Variants in FAM114A1 observed in about 807,000 individuals in gnomAD.
The protein encoded by FAM114A1 is protein NOXP20.
FAM114A1 carries 62 observed loss-of-function variants against 64.3 expected under a neutral mutation model. The ratio of observed to expected loss-of-function variants is 0.96; its 90% confidence interval spans 0.79 to 1.19. The LOEUF is 1.19. Among genes scored for constraint, FAM114A1 ranks in the 50% most tolerant of loss-of-function variants. FAM114A1 has a pLI of 0.00. For missense variants in FAM114A1, 645 were observed against 676.3 expected, an observed-to-expected ratio of 0.95 and a Z score of 0.51; for synonymous variants, 254 against 251.1, an observed-to-expected ratio of 1.01 and a Z score of -0.11.
At position 38,876,788 on chromosome 4, in the gene FAM114A1, G is replaced by A. The variant is rs565866119; in HGVS notation, c.-8-1283G>A. On this transcript the variant is annotated intron_variant, in intron 2 of 14. Transcript: ENST00000358869. ...CTGATTCCTTCTAGAGTCTTTGAGG[G>A]GAGAGTGGTTTCTTTTCCCTTTTCA... Among the ~76,000 whole-genome samples, 195 of 152,328 alleles carry A rather than the reference G, an allele frequency of 1.3e-3. 1 individual carries two copies. The highest frequency in any genetic ancestry group is 6.8e-3 in the Middle Eastern group (2 of 294).
chr4:38,934,506 T>C (rs1303157255), intron 12 of FAM114A1, among the ~76,000 whole-genome samples: 2 of 152,212 alleles, frequency 1.3e-5, no homozygotes, highest in African/African-American at 2.4e-5. Flanking sequence ...CTGACTTTAC[T>C]AGATATTTTA....
intron 6 of FAM114A1, 126 bp from the exon 7 acceptor site, chr4:38,908,466 G>A (rs1718226375): frequency 3.5e-6 from 3 of 864,408 alleles, no homozygotes; most frequent in South Asian, 2.8e-5. Context: ...ATCTCCTGAT[G>A]AGAAAAAATT....
At chr4:38,876,261 C>G (rs980137765) in intron 2 of FAM114A1, among the ~76,000 whole-genome samples, 6 of 150,860 alleles carry the variant, frequency 4.0e-5, no homozygotes, top group Admixed American at 6.6e-5. Flanking sequence ...CCTCCACCCC[C>G]CAGGTTCAAG....
intron 7 of FAM114A1, 119 bp downstream of exon 7, chr4:38,908,845 C>A: frequency 1.9e-6 from 2 of 1,074,316 alleles, no homozygotes; most frequent in Non-Finnish European, 2.6e-6. Context: ...CACCAAAGAG[C>A]AGAGAGAGAA....
intron 3 of FAM114A1, among the ~76,000 whole-genome samples, chr4:38,878,834 C>A (rs1194535604): frequency 6.6e-6 from 1 of 152,214 alleles, no homozygotes; most frequent in Non-Finnish European, 1.5e-5. Flanking sequence ...TATCACACAT[C>A]ATGACTCCAG....
chr4:38,891,038 C>T (rs1023028593), intron 3 of FAM114A1, among the ~76,000 whole-genome samples: 16 of 152,304 alleles, frequency 1.1e-4, no homozygotes, highest in African/African-American at 3.9e-4. Context: ...TCCACATAGC[C>T]TGAGTTTTCA....
intron 3 of FAM114A1, among the ~76,000 whole-genome samples, chr4:38,887,273 G>A (rs1715912947): frequency 1.3e-5 from 2 of 152,186 alleles, no homozygotes; most frequent in African/African-American, 2.4e-5. Context: ...TAGGCTTCAC[G>A]TGAATCTCAC....
chr4:38,930,929 G>C (rs550267896), intron 10 of FAM114A1, among the ~76,000 whole-genome samples: 8 of 152,220 alleles, frequency 5.3e-5, no homozygotes, highest in Admixed American at 2.6e-4. Flanking sequence ...CTTGAGGGTG[G>C]AAGACCTGTC....
At position 38,931,459 on chromosome 4, in the gene FAM114A1, G is replaced by A; in HGVS notation, c.1170G>A (p.Lys390=). The change falls in exon 11 of 15, where the codon AAG becomes AAA. Residue 390 remains lysine, a synonymous_variant. Coordinates refer to ENST00000358869, the MANE Select transcript of FAM114A1 (RefSeq NM_138389.4). ...ATPDKLNKAM[K]RAHDWVEEDQ... is the part of the protein sequence containing the mutation. ...GTTGGGGACCTCTGCAGGCCATGAAGAGGGCTCATGACTGGGTGGAAGAGG... is the reference window on the plus strand; with the variant it reads ...GTTGGGGACCTCTGCAGGCCATGAAAAGGGCTCATGACTGGGTGGAAGAGG... 1 of 1,610,028 alleles carries A rather than the reference G, an allele frequency of 6.2e-7. No individual in the cohort carries two copies. The highest frequency in any genetic ancestry group is 2.2e-5 in the East Asian group (1 of 44,768).
At position 38,935,785 on chromosome 4, in the gene FAM114A1, G is replaced by C. The variant is rs753645600; in HGVS notation, c.1531G>C (p.Val511Leu). 1.2e-6 allele frequency: 2 copies of C among 1,608,172 alleles called. No homozygotes were observed. Among genetic ancestry groups the C allele is most frequent in the African/African-American group, 1.3e-5 (1 of 74,594 alleles). Reference protein sequence around the residue: ...SKKFTNSLTTVGSNKKAEVLN... With the variant: ...SKKFTNSLTTLGSNKKAEVLN... ...GAAGTTTACGAATTCTTTAACCACT[G>C]TTGGGGTAAGATTACAGTCTTGAAT... is the stretch of plus-strand genomic sequence containing the variant. Residue 511 changes from valine to leucine, a missense_variant, in exon 13 of 15, where the codon GTT (valine) becomes CTT (leucine). Val to Leu is a conservative substitution (Grantham distance 32). Coordinates refer to ENST00000358869, the MANE Select transcript of FAM114A1 (RefSeq NM_138389.4).
chr4:38,898,232 A>C (rs571149909), intron 4 of FAM114A1, among the ~76,000 whole-genome samples: 55 of 152,084 alleles, frequency 3.6e-4, no homozygotes, highest in African/African-American at 1.3e-3. Context: ...ATGCAAGAGT[A>C]CCTGAGGTTG....
At chr4:38,892,568 T>C (rs1167552562) in intron 4 of FAM114A1, among the ~76,000 whole-genome samples, 1 of 152,240 alleles carries the variant, frequency 6.6e-6, no homozygotes, top group African/African-American at 2.4e-5. Context: ...TTCTTCATGT[T>C]ACCATTTCTT....
chr4:38,918,383 G>T (rs1316502154), intron 8 of FAM114A1, among the ~76,000 whole-genome samples: 1 of 152,184 alleles, frequency 6.6e-6, no homozygotes, highest in African/African-American at 2.4e-5. Context: ...TCCGTCTTGT[G>T]GCTCCGCTAG....
At chr4:38,929,193 T>A (rs1720415060) in intron 9 of FAM114A1, 49 bp from the exon 10 acceptor site, 1 of 1,470,120 alleles carries the variant, frequency 6.8e-7, no homozygotes, top group Admixed American at 1.7e-5. Flanking sequence ...TGCCACATCC[T>A]GAAGGATGAA....
Position 38,941,037 on chromosome 4 carries a change from A to G in FAM114A1, c.1590+16A>G, listed in dbSNP as rs371583490. On this transcript the variant is annotated intron_variant, in intron 14 of 14. Transcript: ENST00000358869. Reference sequence around the variant, plus strand: ...ATTGTTAGAGGTAAGTGGCCTCTGGAGAGAAAGTGCTTCTGAATCAAAGTA... The same window carrying G: ...ATTGTTAGAGGTAAGTGGCCTCTGGGGAGAAAGTGCTTCTGAATCAAAGTA... 4 of 1,609,072 alleles carry G rather than the reference A, an allele frequency of 2.5e-6. No individual in the cohort carries two copies. Among genetic ancestry groups the G allele is most frequent in the Non-Finnish European group, 3.4e-6 (4 of 1,177,496 alleles).
At chr4:38,869,869 C>T (rs1025214426) in intron 2 of FAM114A1, among the ~76,000 whole-genome samples, 3 of 152,032 alleles carry the variant, frequency 2.0e-5, no homozygotes, top group Non-Finnish European at 4.4e-5. Context: ...CAAGAAAAAG[C>T]ACAAAGGCTA....
chr4:38,907,651 G>A (rs961350985), intron 6 of FAM114A1, among the ~76,000 whole-genome samples: 1 of 151,976 alleles, frequency 6.6e-6, no homozygotes, highest in African/African-American at 2.4e-5. Context: ...TACCCAAGAT[G>A]AAAATAAAGT....
At chr4:38,930,302 C>G (rs1416662683) in intron 10 of FAM114A1, among the ~76,000 whole-genome samples, 2 of 152,060 alleles carry the variant, frequency 1.3e-5, no homozygotes, top group Admixed American at 1.3e-4. Context: ...TTTCTTTCTT[C>G]TTTTTAGCAA....
intron 8 of FAM114A1, among the ~76,000 whole-genome samples, chr4:38,916,732 AAC>A (rs1218169577): frequency 6.6e-6 from 1 of 152,170 alleles, no homozygotes; most frequent in Non-Finnish European, 1.5e-5. Flanking sequence ...GAGTGCAGCA[AAC>A]CACCATGGCA....
Sources: gnomAD v4.1 joint callset for allele counts (sites outside exome capture counted in the v4.1 genomes callset) on GRCh38, gnomAD v4.1.1 for gene constraint, MANE v1.5 for transcripts, NCBI Gene and HGNC (gene_info 2026-07-23, HGNC 2026-07-21) for gene names.